The following KLHL12 variants were observed in gnomAD, a reference collection of about 807,000 sequenced individuals.
KLHL12 encodes the protein kelch-like protein 12.
A neutral mutation model predicts 60.8 loss-of-function variants in KLHL12; 17 were observed. The observed-to-expected ratio is 0.28, with a 90% confidence interval of 0.19 to 0.42. KLHL12 has a LOEUF of 0.42. Among genes scored for constraint, KLHL12 ranks in the 10% least tolerant of loss-of-function variants. The pLI is 1.00. For synonymous variants in KLHL12, 220 were observed against 250.9 expected (o/e 0.88, Z 1.16); for missense variants, 468 against 722.3 (o/e 0.65, Z 4.04).
At position 202,893,264 on chromosome 1, in the gene KLHL12, G is replaced by A. The variant is rs750328114; in HGVS notation, c.1555C>T (p.Arg519Trp). The A allele has an allele frequency of 4.4e-6, 7 of 1,609,100 alleles. No individual in the cohort carries two copies. Among genetic ancestry groups the A allele is most frequent in the Non-Finnish European group, 5.9e-6 (7 of 1,178,358 alleles). ...PRCYVGATVL[R>W]GRLYAIAGYD... ...CCTGCAATTGCATAGAGTCTCCCCC[G>A]AAGCACTGTGGCCCCTACATAGCAT... The change falls in exon 11 of 12, where the codon CGG becomes TGG. Residue 519 changes from arginine (R) to tryptophan (W), a missense_variant. Transcript: ENST00000367261. This position sits in a 1 kb window ranked among gnomAD's most constrained non-coding sequence, Gnocchi z 4.1.
intron 5 of KLHL12, among the ~76,000 whole-genome samples, chr1:202,910,439 T>C (rs1660319531): frequency 6.6e-6 from 1 of 152,222 alleles, no homozygotes; most frequent in African/African-American, 2.4e-5. Flanking sequence ...GAAAAACTGT[T>C]TGTAGTTAAC....
intron 7 of KLHL12, 33 bp downstream of exon 7, chr1:202,896,821 T>C: frequency 6.7e-7 from 1 of 1,495,790 alleles, no homozygotes; most frequent in Non-Finnish European, 9.3e-7. Flanking sequence ...ACATTTAACA[T>C]CCCTCCCAAC....
intron 6 of KLHL12, among the ~76,000 whole-genome samples, chr1:202,902,181 C>T (rs1052326645): frequency 6.6e-6 from 1 of 152,112 alleles, no homozygotes; most frequent in African/African-American, 2.4e-5. Flanking sequence ...CCTGTAATCC[C>T]AGCACTTTGG....
At chr1:202,926,091 C>A (rs369722994) in intron 1 of KLHL12, among the ~76,000 whole-genome samples, 2 of 140,250 alleles carry the variant, frequency 1.4e-5, no homozygotes, top group African/African-American at 2.7e-5. Flanking sequence ...GGCAACAGAG[C>A]GAGACTCTGT....
In KLHL12 at chr1:202,927,164, AGG is replaced by A; in HGVS notation, c.-123_-122del. 1 of 985,232 alleles carries A rather than the reference AGG, an allele frequency of 1.0e-6. No individual in the cohort carries two copies. The highest frequency in any genetic ancestry group is 1.2e-6 in the Non-Finnish European group (1 of 829,920). 61.0% of individuals were successfully genotyped at this position (985,232 alleles called of 1,614,324 possible). Reference sequence around the variant, plus strand: ...GGATGGAGTGCGGCGCGGGGCTAGCAGGCGGCTCGGGAGGAGCCGAAGCGCCG... The same window carrying A: ...GGATGGAGTGCGGCGCGGGGCTAGCACGGCTCGGGAGGAGCCGAAGCGCCG... On this transcript the variant is annotated 5_prime_UTR_variant, in exon 1 of 12. Transcript: ENST00000367261.
intron 6 of KLHL12, among the ~76,000 whole-genome samples, chr1:202,900,368 A>T (rs1274519708): frequency 2.0e-5 from 3 of 150,948 alleles, no homozygotes; most frequent in Non-Finnish European, 4.4e-5. Context: ...ACATGGTGAG[A>T]CTCCCATATC....
chr1:202,924,146 G>A (rs754640403), intron 2 of KLHL12, among the ~76,000 whole-genome samples: 17 of 152,192 alleles, frequency 1.1e-4, no homozygotes, highest in Non-Finnish European at 1.5e-4. Flanking sequence ...TACATTTCAA[G>A]TATTTTGTCA....
chr1:202,897,228 CTTTT>C (rs11305071), intron 6 of KLHL12, among the ~76,000 whole-genome samples: 2 of 82,278 alleles, frequency 2.4e-5, no homozygotes, highest in South Asian at 4.4e-4. Flanking sequence ...ATTTCTTTTT[CTTTT>C]TTTTTTTTTT....
chr1:202,897,228 CTTTTTT>C lies in KLHL12; in HGVS notation c.833-274_833-269del, dbSNP rs11305071. On this transcript the variant is annotated intron_variant, in intron 6 of 11. Transcript: ENST00000367261. ...ACATGACACTGCACCATTTCTTTTT[CTTTTTT>C]TTTTTTTTTTTTTTTTTGGAGACAG... 6.2e-3 allele frequency among the ~76,000 whole-genome samples: 507 copies of C among 82,290 alleles called. 3 individuals are homozygous for C. The highest frequency in any genetic ancestry group is 0.02 in the African/African-American group (452 of 22,322). 54.0% of individuals were successfully genotyped at this position (82,290 alleles called of 152,430 possible). A position where few individuals can be genotyped will look rare whatever the true frequency, so the allele number is the denominator to read the frequency against.
chr1:202,911,956 G>A (rs1660375818), intron 4 of KLHL12: 9 of 812,238 alleles, frequency 1.1e-5, no homozygotes, highest in Non-Finnish European at 2.0e-5. Flanking sequence ...GGTAATGAGA[G>A]ACCCAAACAC....
chr1:202,927,874 C>G (rs1434260528), upstream of KLHL12, among the ~76,000 whole-genome samples: 1 of 151,252 alleles, frequency 6.6e-6, no homozygotes, highest in Non-Finnish European at 1.5e-5. Context: ...CCCAACTACT[C>G]AGGAGGCTAA....
chr1:202,896,725 A>G, intron 7 of KLHL12, 129 bp downstream of exon 7: 1 of 752,762 alleles, frequency 1.3e-6, no homozygotes, highest in Non-Finnish European at 2.4e-6. Context: ...TACTATATGC[A>G]CAAGACTGTT....
At chr1:202,894,491 G>T in intron 9 of KLHL12, 100 bp downstream of exon 9, 1 of 1,216,362 alleles carries the variant, frequency 8.2e-7, no homozygotes, top group Non-Finnish European at 1.2e-6. Flanking sequence ...GGTTTTAGTT[G>T]AAGGGAAGTC....
intron 6 of KLHL12, among the ~76,000 whole-genome samples, chr1:202,899,451 G>A (rs963444882): frequency 1.4e-4 from 21 of 152,080 alleles, no homozygotes; most frequent in Admixed American, 4.6e-4. Flanking sequence ...TTCTAAGAGG[G>A]CACTTGTCTT....
chr1:202,898,610 T>C (rs557576981), intron 6 of KLHL12, among the ~76,000 whole-genome samples: 1 of 152,198 alleles, frequency 6.6e-6, no homozygotes, highest in African/African-American at 2.4e-5. Flanking sequence ...TTACAGGCAA[T>C]ACATGGGAGA....
intron 6 of KLHL12, among the ~76,000 whole-genome samples, chr1:202,903,629 C>CTTTCTTTTTTTTTTTTTT (rs1660088097): frequency 1.3e-5 from 1 of 76,086 alleles, no homozygotes; most frequent in Non-Finnish European, 2.5e-5. Flanking sequence ...TTTTTCTTTT[C>CTTTCTTTTTTTTTTTTTT]TTTTTTTTTT....
At chr1:202,918,462 A>C in intron 3 of KLHL12, 74 bp from the exon 4 acceptor site, 2 of 1,126,764 alleles carry the variant, frequency 1.8e-6, no homozygotes, top group Non-Finnish European at 2.7e-6. Context: ...CTTGTATCTC[A>C]GCATCTTCTC....
rs1481011375 is a variant in KLHL12 at position 202,891,376 on chromosome 1, TTC to T, written c.*1155_*1156del. 6.6e-6 allele frequency: 1 copy of T among 152,184 alleles called. No individual in the cohort carries two copies. Among genetic ancestry groups the T allele is most frequent in the Non-Finnish European group, 1.5e-5 (1 of 67,910 alleles). 9.4% of individuals were successfully genotyped at this position (152,184 alleles called of 1,614,324 possible). ...AAAGGATTTTGGTTGTCCTTGATTA[TTC>T]TGTCCTGTGATGAATAAAATCTACA... On this transcript the variant is annotated 3_prime_UTR_variant, in exon 12 of 12. Coordinates refer to ENST00000367261, the MANE Select transcript of KLHL12 (RefSeq NM_021633.4).
rs1353373750 is a variant in KLHL12, at chr1:202,909,307, A to C, written c.718-183T>G. ...TTTCCAGAAATGATTTTTAAAATTT[A>C]CTTGAAAAATAGATAACATACTAGA... On this transcript the variant is annotated intron_variant, in intron 5 of 11. Transcript: ENST00000367261. The surrounding 1 kb of genome is among the most constrained non-coding windows in gnomAD (Gnocchi z 4.1). 1 of 472,082 alleles carries C rather than the reference A, an allele frequency of 2.1e-6. No homozygotes were observed. The highest frequency in any genetic ancestry group is 3.8e-6 in the Non-Finnish European group (1 of 264,976). The allele number at this position is 472,082 out of a possible 1,614,324, so 29.2% of individuals were successfully genotyped here.
Sources: allele counts gnomAD v4.1 joint callset (sites outside exome capture counted in the v4.1 genomes callset), GRCh38; gene constraint gnomAD v4.1.1; non-coding constraint Gnocchi (gnomAD v3.1); transcripts MANE v1.5; gene names NCBI Gene and HGNC (gene_info 2026-07-23, HGNC 2026-07-21).